The following ATP10B variants were observed in gnomAD, a reference collection of about 807,000 sequenced individuals.
The protein encoded by ATP10B is ATPase phospholipid transporting 10B (putative), also known as phospholipid-transporting ATPase VB.
In ATP10B, 122 loss-of-function variants were observed where a neutral mutation model predicts 141.2. That is an observed-to-expected ratio of 0.86 (90% CI 0.75 to 1.00). ATP10B has a LOEUF of 1.00. Among genes scored for constraint, ATP10B ranks in the 50% least tolerant of loss-of-function variants. The probability of loss-of-function intolerance (pLI) is 0.00; values close to 1 mark genes in which losing one functional copy is unlikely to be tolerated. For missense variants in ATP10B, 1,876 were observed against 1,825.3 expected, an observed-to-expected ratio of 1.03 and a Z score of -0.51; for synonymous variants, 685 against 692.0, an observed-to-expected ratio of 0.99 and a Z score of 0.16.
At chr5:160,773,970 CA>C (rs1169088931) in intron 2 of ATP10B, among the ~76,000 whole-genome samples, 1 of 152,202 alleles carries the variant, frequency 6.6e-6, no homozygotes, top group African/African-American at 2.4e-5. Flanking sequence ...TGTAAAGACT[CA>C]GGGGAGCTTT....
intron 24 of ATP10B, among the ~76,000 whole-genome samples, chr5:160,577,311 C>T (rs943827999): frequency 2.6e-5 from 4 of 152,060 alleles, no homozygotes; most frequent in South Asian, 2.1e-4. Context: ...GGCTGCAGTG[C>T]CACACATCAT....
chr5:160,805,168 A>G (rs1247147303), intron 1 of ATP10B, among the ~76,000 whole-genome samples: 2 of 152,244 alleles, frequency 1.3e-5, no homozygotes, highest in Non-Finnish European at 2.9e-5. Context: ...TGTTGGAGAA[A>G]GAAGAGCTTT....
chr5:160,722,456 C>G (rs1222183454), intron 2 of ATP10B, among the ~76,000 whole-genome samples: 2 of 152,120 alleles, frequency 1.3e-5, no homozygotes, highest in Non-Finnish European at 2.9e-5. Context: ...TCATCCATTC[C>G]CTTATGGACT....
chr5:160,709,710 T>A (rs1765244747), intron 3 of ATP10B, among the ~76,000 whole-genome samples: 1 of 125,504 alleles, frequency 8.0e-6, no homozygotes, highest in South Asian at 3.1e-4. Flanking sequence ...CTGCACCCAC[T>A]AACGTGTCAT....
chr5:160,860,247 T>C, the ATP10B span, among the ~76,000 whole-genome samples: 4 of 151,884 alleles, frequency 2.6e-5, no homozygotes, highest in East Asian at 7.7e-4. Flanking sequence ...AATGTACAAA[T>C]GTATAAAGTA....
At chr5:160,723,987 G>A (rs1766156266) in intron 2 of ATP10B, among the ~76,000 whole-genome samples, 1 of 152,152 alleles carries the variant, frequency 6.6e-6, no homozygotes, top group Non-Finnish European at 1.5e-5. Context: ...GCGGGGACAT[G>A]GATGGAGCCA....
At chr5:160,816,857 T>C (rs1424774155) in intron 1 of ATP10B, among the ~76,000 whole-genome samples, 2 of 152,094 alleles carry the variant, frequency 1.3e-5, no homozygotes, top group African/African-American at 2.4e-5. Flanking sequence ...CATATGCAAA[T>C]CAATAAATGT....
At chr5:160,575,009 T>C (rs1581136378) in intron 24 of ATP10B, among the ~76,000 whole-genome samples, 1 of 152,200 alleles carries the variant, frequency 6.6e-6, no homozygotes, top group Non-Finnish European at 1.5e-5. Context: ...AAGACACTTA[T>C]CTTTTTCTAT....
At chr5:160,692,935 G>C (rs1764154400) in intron 3 of ATP10B, 1 of 152,084 alleles carries the variant, frequency 6.6e-6, no homozygotes, top group African/African-American at 2.4e-5. Flanking sequence ...TTGGGCGCTG[G>C]ACCTATTATG....
rs569551207 is a variant in ATP10B, at chr5:160,628,641, G to A, written c.1620+3488C>T. On this transcript the variant is annotated intron_variant, in intron 13 of 25. Transcript: ENST00000327245. ...CAAAGGAAAGCAGTGTGGAAGTTTG[G>A]AGGAGCCTAACTGGCCCCAATACAA... Among the ~76,000 whole-genome samples the A allele has an allele frequency of 2.6e-5, 4 of 152,300 alleles. No homozygotes were observed. In the South Asian group the frequency reaches 8.3e-4, roughly 32 times the overall value.
intron 1 of ATP10B, among the ~76,000 whole-genome samples, chr5:160,796,669 GA>G (rs1771968808): frequency 6.6e-6 from 1 of 152,194 alleles, no homozygotes; most frequent in South Asian, 2.1e-4. Flanking sequence ...AAATTGCAGA[GA>G]AAAGTTTCCT....
rs534788360 is a variant in ATP10B, at chr5:160,580,662, G to T, written c.3750+8930C>A. 3.3e-5 allele frequency among the ~76,000 whole-genome samples: 5 copies of T among 152,320 alleles called. No individual in the cohort carries two copies. The East Asian group carries it at 9.6e-4, about 29-fold the overall frequency. On this transcript the variant is annotated intron_variant, in intron 24 of 25. Coordinates refer to ENST00000327245, the MANE Select transcript of ATP10B (RefSeq NM_025153.3). Reference sequence around the variant, plus strand: ...TGCCAGGTTTTTGTATCAGGATGATGCTGGCTTCATAAAATGAGTTAGGGA... The same window carrying T: ...TGCCAGGTTTTTGTATCAGGATGATTCTGGCTTCATAAAATGAGTTAGGGA...
At chr5:160,822,713 C>G (rs144143326) in intron 1 of ATP10B, among the ~76,000 whole-genome samples, 80 of 151,804 alleles carry the variant, frequency 5.3e-4, no homozygotes, top group Non-Finnish European at 1.1e-3. Context: ...TTTGCACCAA[C>G]ATAGATGAAA....
the ATP10B span, among the ~76,000 whole-genome samples, chr5:160,871,702 T>C: frequency 6.6e-6 from 1 of 152,210 alleles, no homozygotes; most frequent in Non-Finnish European, 1.5e-5. Flanking sequence ...CGTTAATTCA[T>C]TCCTTTTTAT....
At chr5:160,757,350 AT>A (rs1768698922) in intron 2 of ATP10B, among the ~76,000 whole-genome samples, 1 of 152,148 alleles carries the variant, frequency 6.6e-6, no homozygotes, top group Non-Finnish European at 1.5e-5. Context: ...GACTATGGGA[AT>A]TTTTTTATTG....
chr5:160,651,007 G>T (rs539366603), intron 7 of ATP10B, among the ~76,000 whole-genome samples: 1 of 152,144 alleles, frequency 6.6e-6, no homozygotes, highest in African/African-American at 2.4e-5. Context: ...TTATAAAAAT[G>T]CTGTGAAAAT....
At chr5:160,715,688 CTTTATTTATTTATTTA>C in intron 3 of ATP10B, among the ~76,000 whole-genome samples, 1 of 141,720 alleles carries the variant, frequency 7.1e-6, no homozygotes, top group African/African-American at 2.6e-5. Context: ...ATTTAGCTTG[CTTTATTTATTTATTTA>C]TTTATTTATT....
In ATP10B at chr5:160,716,917, G is replaced by A. The variant is rs560334302; in HGVS notation, c.-213C>T. The A allele has an allele frequency of 5.7e-5, 56 of 985,350 alleles. No individual in the cohort carries two copies. Among genetic ancestry groups the A allele is most frequent in the African/African-American group, 3.0e-4 (17 of 57,342 alleles). 61.0% of individuals were successfully genotyped at this position (985,350 alleles called of 1,614,324 possible). On this transcript the variant is annotated 5_prime_UTR_variant, in exon 3 of 26. Transcript: ENST00000327245. ...CAACGCAAAAGATATACCTGTTAGC[G>A]GAGTCCCTTTAAGGAGGTTAGACCA...
chr5:160,648,289 A>G (rs1003409708), intron 8 of ATP10B, among the ~76,000 whole-genome samples: 1 of 152,136 alleles, frequency 6.6e-6, no homozygotes, highest in African/African-American at 2.4e-5. Flanking sequence ...GCCCAACACA[A>G]ATTCATAAAC....
Sources: allele counts gnomAD v4.1 joint callset (sites outside exome capture counted in the v4.1 genomes callset), GRCh38; gene constraint gnomAD v4.1.1; transcripts MANE v1.5; gene names NCBI Gene and HGNC (gene_info 2026-07-23, HGNC 2026-07-21).